The following ZFAND6 variants were observed in gnomAD, a reference collection of about 807,000 sequenced individuals.
ZFAND6 encodes the protein zinc finger AN1-type containing 6, also known as AN1-type zinc finger protein 6.
Under a neutral mutation model 24.5 loss-of-function variants are expected in ZFAND6, and 12 were observed. That is an observed-to-expected ratio of 0.49 (90% CI 0.31 to 0.79). The LOEUF (loss-of-function observed/expected upper bound fraction) is 0.79, where lower values mean the gene tolerates loss of function less well. Among genes scored for constraint, ZFAND6 ranks in the 30% least tolerant of loss-of-function variants. The pLI is 0.04. For synonymous variants in ZFAND6, 92 were observed against 81.5 expected, an observed-to-expected ratio of 1.13 and a Z score of -0.69; for missense variants, 207 against 245.9, an observed-to-expected ratio of 0.84 and a Z score of 1.06.
At chr15:80,099,617 C>CTTTTTTTTTTTTTTTT (rs1567073638) in intron 2 of ZFAND6, among the ~76,000 whole-genome samples, 1 of 55,010 alleles carries the variant, frequency 1.8e-5, no homozygotes, top group African/African-American at 5.4e-5. Flanking sequence ...ATATGGATAT[C>CTTTTTTTTTTTTTTTT]CTTTTTTTTT....
intron 4 of ZFAND6, among the ~76,000 whole-genome samples, chr15:80,122,487 A>G (rs2040191921): frequency 6.6e-6 from 1 of 152,198 alleles, no homozygotes; most frequent in Non-Finnish European, 1.5e-5. Context: ...AAGGACATAT[A>G]CACTGTTGCT....
intron 5 of ZFAND6, 118 bp from the exon 6 acceptor site, chr15:80,131,062 G>C: frequency 1.4e-6 from 1 of 717,388 alleles, no homozygotes; most frequent in Non-Finnish European, 2.2e-6. Flanking sequence ...TTAATGACTA[G>C]TTTTCTGTGC....
At chr15:80,115,578 A>G (rs1403099003) in intron 2 of ZFAND6, among the ~76,000 whole-genome samples, 1 of 152,164 alleles carries the variant, frequency 6.6e-6, no homozygotes, top group African/African-American at 2.4e-5. Context: ...CTATGCCATT[A>G]CACATTCAGA....
At position 80,103,738 on chromosome 15, in the gene ZFAND6, A is replaced by G. The variant is rs189942419; in HGVS notation, c.-18+5160A>G. Among the ~76,000 whole-genome samples the G allele has an allele frequency of 8.5e-4, 130 of 152,252 alleles. 1 individual carries two copies. The highest frequency in any genetic ancestry group is 9.2e-4 in the Admixed American group (14 of 15,292). ...TGCCTTCTCAGTCTGCTTTCTCCCT[A>G]CCCTTTTCCTCTGCCTCAGCAATCT... On this transcript the variant is annotated intron_variant, in intron 2 of 6. Coordinates refer to ENST00000261749, the MANE Select transcript of ZFAND6 (RefSeq NM_019006.4).
intron 2 of ZFAND6, among the ~76,000 whole-genome samples, chr15:80,102,609 T>C (rs1395607719): frequency 6.6e-6 from 1 of 152,228 alleles, no homozygotes; most frequent in Non-Finnish European, 1.5e-5. Flanking sequence ...AGCAATGTTA[T>C]GGGTGGCACA....
intron 2 of ZFAND6, among the ~76,000 whole-genome samples, chr15:80,110,603 C>T (rs2039558103): frequency 6.6e-6 from 1 of 151,034 alleles, no homozygotes; most frequent in Non-Finnish European, 1.5e-5. Flanking sequence ...AAAACTGATA[C>T]TAGATATCAA....
At chr15:80,088,869 G>A (rs1329546882) in intron 1 of ZFAND6, among the ~76,000 whole-genome samples, 1 of 152,080 alleles carries the variant, frequency 6.6e-6, no homozygotes, top group East Asian at 1.9e-4. Flanking sequence ...CCACAGGGCT[G>A]GTGGCTACTT....
At chr15:80,107,007 G>A (rs1596277698) in intron 2 of ZFAND6, among the ~76,000 whole-genome samples, 1 of 152,188 alleles carries the variant, frequency 6.6e-6, no homozygotes, top group East Asian at 1.9e-4. Context: ...GAGGTCAGGA[G>A]TTCAAGACCA....
intron 2 of ZFAND6, among the ~76,000 whole-genome samples, chr15:80,107,529 A>G (rs2039394891): frequency 1.3e-5 from 2 of 152,098 alleles, no homozygotes; most frequent in Non-Finnish European, 2.9e-5. Flanking sequence ...AGTTCTTGTT[A>G]TTATGAAAAT....
At chr15:80,120,680 AC>A (rs2040106942) in intron 3 of ZFAND6, 182 bp downstream of exon 3, 2 of 403,974 alleles carry the variant, frequency 5.0e-6, no homozygotes, top group East Asian at 4.0e-5. Flanking sequence ...GAGTATCATC[AC>A]TCATTGAAAA....
chr15:80,096,707 C>T (rs2038743033), intron 1 of ZFAND6, among the ~76,000 whole-genome samples: 2 of 152,088 alleles, frequency 1.3e-5, no homozygotes, highest in Admixed American at 6.5e-5. Context: ...TTCATGACAT[C>T]TTTAAGTTTT....
At chr15:80,076,259 T>C (rs1032504916) in intron 1 of ZFAND6, among the ~76,000 whole-genome samples, 1 of 152,150 alleles carries the variant, frequency 6.6e-6, no homozygotes, top group African/African-American at 2.4e-5. Context: ...TCACCAAAAG[T>C]CACAGCAAAT....
upstream of ZFAND6, among the ~76,000 whole-genome samples, chr15:80,059,324 C>T (rs2036198434): frequency 6.6e-6 from 1 of 152,236 alleles, no homozygotes; most frequent in South Asian, 2.1e-4. Flanking sequence ...CATAACCAAG[C>T]CCTTAAAGTC....
intron 1 of ZFAND6, among the ~76,000 whole-genome samples, chr15:80,065,829 C>T (rs1054179842): frequency 6.6e-6 from 1 of 151,620 alleles, no homozygotes; most frequent in Non-Finnish European, 1.5e-5. Context: ...ACAGGCGTGA[C>T]CCACTGTGCC....
At chr15:80,116,893 C>CTT (rs776842859) in intron 2 of ZFAND6, among the ~76,000 whole-genome samples, 2 of 151,858 alleles carry the variant, frequency 1.3e-5, no homozygotes, top group Admixed American at 1.3e-4. Context: ...TGATATAAAA[C>CTT]TTTTTGTCCT....
intron 1 of ZFAND6, among the ~76,000 whole-genome samples, chr15:80,089,259 GTTTTTTT>G (rs71453501): frequency 8.2e-5 from 5 of 61,104 alleles, no homozygotes; most frequent in Non-Finnish European, 1.4e-4. Context: ...GAGTGTGTGT[GTTTTTTT>G]TTTTTTTTTT....
intron 2 of ZFAND6, among the ~76,000 whole-genome samples, chr15:80,099,848 C>A (rs2038941348): frequency 6.6e-6 from 1 of 152,138 alleles, no homozygotes; most frequent in African/African-American, 2.4e-5. Context: ...AACTCCTGAC[C>A]TCCAGTGATC....
chr15:80,079,384 C>T (rs1214850114), intron 1 of ZFAND6, among the ~76,000 whole-genome samples: 1 of 151,756 alleles, frequency 6.6e-6, no homozygotes, highest in African/African-American at 2.4e-5. Context: ...CCACGCTTGG[C>T]TAATTTTTTG....
At chr15:80,067,542 G>GA (rs146883732) in intron 1 of ZFAND6, among the ~76,000 whole-genome samples, 1,910 of 152,126 alleles carry the variant, frequency 0.013, 33 homozygotes, top group African/African-American at 0.043. Context: ...TCTTCTTCCA[G>GA]AACCATAGTC....
Sources: allele counts gnomAD v4.1 joint callset (sites outside exome capture counted in the v4.1 genomes callset), GRCh38; gene constraint gnomAD v4.1.1; transcripts MANE v1.5; gene names NCBI Gene and HGNC (gene_info 2026-07-23, HGNC 2026-07-21).